ZNF106: variants seen among roughly 807,000 people sequenced by gnomAD.
ZNF106 encodes the protein zinc finger protein 106.
A neutral mutation model predicts 195.1 loss-of-function variants in ZNF106; 67 were observed. The ratio of observed to expected loss-of-function variants is 0.34; its 90% confidence interval spans 0.28 to 0.42. The LOEUF (loss-of-function observed/expected upper bound fraction) is 0.42, where lower values mean the gene tolerates loss of function less well. Among genes scored for constraint, ZNF106 ranks in the 10% least tolerant of loss-of-function variants. ZNF106 has a pLI of 1.00. For missense variants in ZNF106, 2,118 were observed against 2,304.5 expected, an observed-to-expected ratio of 0.92 and a Z score of 1.66; for synonymous variants, 784 against 818.6, an observed-to-expected ratio of 0.96 and a Z score of 0.72.
At chr15:42,435,571 A>G (rs1204570225) in intron 13 of ZNF106, 53 bp from the exon 14 acceptor site, 1 of 1,603,838 alleles carries the variant, frequency 6.2e-7, no homozygotes, top group African/African-American at 1.3e-5. Context: ...GGAGGATTAG[A>G]TAATATATTT....
intron 3 of ZNF106, chr15:42,457,464 G>T: frequency 8.0e-7 from 1 of 1,246,674 alleles, no homozygotes; most frequent in Non-Finnish European, 1.0e-6. Context: ...GGTGAAAGGG[G>T]AGGCAGGGCA....
chr15:42,450,335 T>C lies in ZNF106; in HGVS notation c.1937A>G (p.Asp646Gly), dbSNP rs911206748. ...GATGCGGTCATCCTCCTCTTTCTCA[T>C]CAGCAGTTCGAGTGCTGCCAGATAA... ...ELLSGSTRTA[D>G]EKEEDDRILK... Residue 646 changes from aspartate (D) to glycine (G), a missense_variant, in exon 5 of 22, where the codon GAT (aspartate) becomes GGT (glycine). Transcript: ENST00000564754. 1 of 1,614,204 alleles carries C rather than the reference T, an allele frequency of 6.2e-7. No individual in the cohort carries two copies. The highest frequency in any genetic ancestry group is 1.7e-5 in the Admixed American group (1 of 60,016).
chr15:42,438,738 G>A (rs1347752736), intron 11 of ZNF106, 71 bp from the exon 12 acceptor site: 2 of 1,417,576 alleles, frequency 1.4e-6, no homozygotes, highest in Non-Finnish European at 2.0e-6. Context: ...AAAAATTTCT[G>A]ACTCAAAGGA....
chr15:42,442,046 C>A, intron 10 of ZNF106, 27 bp downstream of exon 10: 1 of 1,575,110 alleles, frequency 6.3e-7, no homozygotes. Context: ...ACTGGGATGC[C>A]CTTAACCCAG....
At chr15:42,440,983 T>TAA (rs35854257) in intron 10 of ZNF106, among the ~76,000 whole-genome samples, 908 of 19,756 alleles carry the variant, frequency 0.046, 126 homozygotes, top group African/African-American at 0.051. Context: ...AAACTCTGTC[T>TAA]AAAAAAAAAA....
chr15:42,435,394 T>C lies in ZNF106; in HGVS notation c.4871A>G (p.Tyr1624Cys), dbSNP rs774962858. 6.2e-7 allele frequency: 1 copy of C among 1,614,172 alleles called. No homozygotes were observed. Among genetic ancestry groups the C allele is most frequent in the South Asian group, 1.1e-5 (1 of 91,088 alleles). Reference sequence around the variant, plus strand: ...TCTGGACCCACCTACCTTAACATTATAGCAGCGGATGGTATGGTCACTGGA... The same window carrying C: ...TCTGGACCCACCTACCTTAACATTACAGCAGCGGATGGTATGGTCACTGGA... ...TGSSDHTIRC[Y>C]NVKSRECVEQ... The change falls in exon 14 of 22, where the codon TAT becomes TGT. Residue 1624 changes from tyrosine to cysteine, a missense_variant. Transcript: ENST00000564754.
chr15:42,458,018 C>T (rs1405888200), intron 3 of ZNF106, among the ~76,000 whole-genome samples: 4 of 152,118 alleles, frequency 2.6e-5, no homozygotes, highest in Non-Finnish European at 5.9e-5. Flanking sequence ...AATTTAACTG[C>T]TTTTTAGCTT....
intron 2 of ZNF106, among the ~76,000 whole-genome samples, chr15:42,470,021 G>T (rs982217322): frequency 2.6e-5 from 4 of 151,994 alleles, no homozygotes; most frequent in African/African-American, 9.7e-5. Context: ...TTGGTTGGAG[G>T]GGAGGGGGGA....
chr15:42,447,690 T>C (rs1006875437), intron 6 of ZNF106, among the ~76,000 whole-genome samples: 49 of 152,340 alleles, frequency 3.2e-4, no homozygotes, highest in African/African-American at 1.1e-3. Flanking sequence ...AATCCAGCAA[T>C]CATCCATGCC....
chr15:42,451,139 T>C lies in ZNF106; in HGVS notation c.1133A>G (p.Gln378Arg). Reference sequence around the variant, plus strand: ...TCCCGACTGTAAATCCAGAGTCTTCTGAGAAGGGTAAGGCGTCCAGCGACG... The same window carrying C: ...TCCCGACTGTAAATCCAGAGTCTTCCGAGAAGGGTAAGGCGTCCAGCGACG... ...KPRRWTPYPS[Q>R]KTLDLQSGLK... Residue 378 changes from glutamine (Q) to arginine (R), a missense_variant, in exon 5 of 22, where the codon CAG becomes CGG. Physicochemically the swap from Gln to Arg is conservative, Grantham distance 43. Coordinates refer to ENST00000564754, the MANE Select transcript of ZNF106 (RefSeq NM_001366845.3). 1 of 1,614,222 alleles carries C rather than the reference T, an allele frequency of 6.2e-7. No individual in the cohort carries two copies. The highest frequency in any genetic ancestry group is 8.5e-7 in the Non-Finnish European group (1 of 1,180,038).
chr15:42,418,390 C>T (rs370702516), intron 20 of ZNF106, among the ~76,000 whole-genome samples: 121 of 141,836 alleles, frequency 8.5e-4, no homozygotes, highest in African/African-American at 3.1e-3. Flanking sequence ...TGGAGTTTCA[C>T]TCCTGTTGCC....
intron 14 of ZNF106, among the ~76,000 whole-genome samples, chr15:42,429,710 T>C (rs1045805852): frequency 6.6e-6 from 1 of 152,034 alleles, no homozygotes; most frequent in Admixed American, 6.5e-5. Flanking sequence ...ACAGTAAATA[T>C]GCCTAAATAT....
intron 1 of ZNF106, among the ~76,000 whole-genome samples, chr15:42,480,705 C>T (rs1328399859): frequency 6.6e-6 from 1 of 152,190 alleles, no homozygotes; most frequent in Non-Finnish European, 1.5e-5. Context: ...GTACCACTGG[C>T]CGGGCTTGGT....
At chr15:42,422,053 C>CT (rs2054680464) in intron 18 of ZNF106, 65 bp from the exon 19 acceptor site, 1 of 1,421,518 alleles carries the variant, frequency 7.0e-7, no homozygotes, top group South Asian at 1.4e-5. Context: ...AGTACAGTCC[C>CT]TAAAGGCCTT....
rs1284008409 is a variant in ZNF106, at chr15:42,435,146, A to C, written c.4881+238T>G. Among the ~76,000 whole-genome samples, 7 of 152,072 alleles carry C rather than the reference A, an allele frequency of 4.6e-5. No individual in the cohort carries two copies. The East Asian group carries it at 1.3e-3, about 29-fold the overall frequency. ...TGCATAACATTTATGGCAAAGACCA[A>C]GGAAGGTATATTATTAATAGTAGGA... is the stretch of plus-strand genomic sequence containing the variant. On this transcript the variant is annotated intron_variant, in intron 14 of 21. Coordinates refer to ENST00000564754, the MANE Select transcript of ZNF106 (RefSeq NM_001366845.3).
In ZNF106 at chr15:42,413,429, GAAACAA is replaced by G. The variant is rs2054337385; in HGVS notation, c.*3869_*3874del. The G allele has an allele frequency of 6.6e-6, 1 of 152,414 alleles. No homozygotes were observed. The allele number at this position is 152,414 out of a possible 1,614,324, so 9.4% of individuals were successfully genotyped here. A position where few individuals can be genotyped will look rare whatever the true frequency, so the allele number is the denominator to read the frequency against. ...TCTAGAAGCTCCCGTTTAGGTAACA[GAAACAA>G]AATTTAGATGTAAGCATAAACTGCA... is the stretch of plus-strand genomic sequence containing the variant. On this transcript the variant is annotated 3_prime_UTR_variant, in exon 22 of 22. Coordinates refer to ENST00000564754, the MANE Select transcript of ZNF106 (RefSeq NM_001366845.3).
chr15:42,444,758 T>C, intron 8 of ZNF106, 69 bp downstream of exon 8: 3 of 1,580,770 alleles, frequency 1.9e-6, no homozygotes, highest in Middle Eastern at 1.7e-4. Context: ...ACTCCAGACA[T>C]GGGTTTGGCA....
chr15:42,486,728 T>C (rs562858396), intron 1 of ZNF106, among the ~76,000 whole-genome samples: 1 of 152,330 alleles, frequency 6.6e-6, no homozygotes, highest in Non-Finnish European at 1.5e-5. Flanking sequence ...GTTTTGTTAT[T>C]ATGCTGTTTT....
At chr15:42,433,550 T>A (rs1343751302) in intron 14 of ZNF106, among the ~76,000 whole-genome samples, 1 of 150,928 alleles carries the variant, frequency 6.6e-6, no homozygotes, top group African/African-American at 2.4e-5. Context: ...TGGCATGATC[T>A]TGGCTCACTG....
Sources: allele counts gnomAD v4.1 joint callset (sites outside exome capture counted in the v4.1 genomes callset), GRCh38; gene constraint gnomAD v4.1.1; transcripts MANE v1.5; gene names NCBI Gene and HGNC (gene_info 2026-07-23, HGNC 2026-07-21).